RHPN2: variants seen among roughly 807,000 people sequenced by gnomAD.
RHPN2 encodes the protein rhophilin Rho GTPase binding protein 2.
In RHPN2, 40 loss-of-function variants were observed where a neutral mutation model predicts 79.0. That is an observed-to-expected ratio of 0.51 (90% CI 0.39 to 0.66). The LOEUF is 0.66. Ranked by LOEUF, RHPN2 falls within the 30% of genes least tolerant of loss-of-function variation. The pLI is 0.00. For missense variants in RHPN2, 686 were observed against 883.5 expected (o/e 0.78, Z 2.83); for synonymous variants, 285 against 363.5 (o/e 0.78, Z 2.46).
intron 14 of RHPN2, among the ~76,000 whole-genome samples, chr19:32,984,540 T>C (rs2145998267): frequency 6.6e-6 from 1 of 152,024 alleles, no homozygotes; most frequent in East Asian, 1.9e-4. Context: ...GTGCATGTAA[T>C]CCCAGCTACT....
intron 1 of RHPN2, among the ~76,000 whole-genome samples, chr19:33,060,317 C>G (rs2145275534): frequency 6.6e-6 from 1 of 152,156 alleles, no homozygotes. Context: ...GGCTAATAGG[C>G]AGGCATTTTG....
chr19:32,979,923 A>G lies in RHPN2; in HGVS notation c.*73T>C. 2 of 1,542,660 alleles carry G rather than the reference A, an allele frequency of 1.3e-6. No individual in the cohort carries two copies. Among genetic ancestry groups the G allele is most frequent in the Non-Finnish European group, 1.8e-6 (2 of 1,115,830 alleles). The stretch of plus-strand genomic sequence containing the variant: ...GAGAACAGATAGATAGATATTTTCC[A>G]TTATGGCACAAACGTTTAAGGCCGA... On this transcript the variant is annotated 3_prime_UTR_variant, in exon 15 of 15. Coordinates refer to ENST00000254260, the MANE Select transcript of RHPN2 (RefSeq NM_033103.5).
chr19:33,049,062 G>A (rs1972167103), intron 1 of RHPN2, among the ~76,000 whole-genome samples: 1 of 152,114 alleles, frequency 6.6e-6, no homozygotes, highest in Non-Finnish European at 1.5e-5. Context: ...TCTAGATAAG[G>A]CATAGGAACA....
chr19:33,036,983 G>A (rs1176181928), intron 2 of RHPN2, among the ~76,000 whole-genome samples: 1 of 152,212 alleles, frequency 6.6e-6, no homozygotes, highest in African/African-American at 2.4e-5. Flanking sequence ...GCTGACGAGT[G>A]CGGGCGCAGG....
intron 2 of RHPN2, among the ~76,000 whole-genome samples, chr19:33,027,539 T>G (rs1221937762): frequency 6.6e-6 from 1 of 151,154 alleles, no homozygotes; most frequent in Non-Finnish European, 1.5e-5. Context: ...TAAAAATATA[T>G]AAGATAGAAA....
Position 32,996,036 on chromosome 19 carries a change from G to T in RHPN2, c.1410C>A (p.Pro470=), listed in dbSNP as rs200488569. ...EDDLLNLIDA[P]SVVAKTEQEV... is the part of the protein sequence containing the mutation. ...GTCTAGGCTACTCACCAACAACACT[G>T]GGGGCGTCGATCAGGTTCAGCAGGT... is the stretch of plus-strand genomic sequence containing the variant. Residue 470 remains proline, a synonymous_variant, in exon 11 of 15, where the codon CCC becomes CCA. Transcript: ENST00000254260. 141 of 1,613,834 alleles carry T rather than the reference G, an allele frequency of 8.7e-5. No homozygotes were observed. Among genetic ancestry groups the T allele is most frequent in the Non-Finnish European group, 1.1e-4 (134 of 1,179,860 alleles).
chr19:33,059,112 A>C (rs964309577), intron 1 of RHPN2, among the ~76,000 whole-genome samples: 3 of 151,644 alleles, frequency 2.0e-5, no homozygotes, highest in African/African-American at 7.3e-5. Context: ...AATAATAATA[A>C]TACAAGATGG....
intron 10 of RHPN2, among the ~76,000 whole-genome samples, chr19:32,997,911 G>A (rs1208351662): frequency 6.6e-6 from 1 of 152,200 alleles, no homozygotes; most frequent in East Asian, 1.9e-4. Context: ...GAGGAGCTAG[G>A]GTGTGCCTGG....
At position 33,051,990 on chromosome 19, in the gene RHPN2, CAA is replaced by C. The variant is rs1231161092; in HGVS notation, c.70-7628_70-7627del. On this transcript the variant is annotated intron_variant, in intron 1 of 14. Coordinates refer to ENST00000254260, the MANE Select transcript of RHPN2 (RefSeq NM_033103.5). The stretch of plus-strand genomic sequence containing the variant: ...TGGGTGACAGAGTGAGACCCTGTCT[CAA>C]AAAAAAAAAAAAAAAAAGAATTAAA... Among the ~76,000 whole-genome samples the C allele has an allele frequency of 1.7e-3, 136 of 80,972 alleles. 1 individual carries two copies. Among genetic ancestry groups the C allele is most frequent in the East Asian group, 8.3e-3 (21 of 2,532 alleles). The allele number at this position is 80,972 out of a possible 152,430, so 53.1% of individuals were successfully genotyped here. A position where few individuals can be genotyped will look rare whatever the true frequency, so the allele number is the denominator to read the frequency against.
intron 2 of RHPN2, among the ~76,000 whole-genome samples, chr19:33,039,295 C>T (rs1192293943): frequency 6.6e-6 from 1 of 152,210 alleles, no homozygotes; most frequent in East Asian, 1.9e-4. Flanking sequence ...GATGTCAGCC[C>T]CAAAGGCTAT....
chr19:33,012,776 T>C (rs1971845705), intron 4 of RHPN2, 52 bp from the exon 5 acceptor site: 1 of 997,536 alleles, frequency 1.0e-6, no homozygotes, highest in African/African-American at 1.6e-5. Flanking sequence ...AAACCATATG[T>C]GTGCATAATA....
chr19:33,006,734 G>A (rs574502929), intron 7 of RHPN2, among the ~76,000 whole-genome samples: 2 of 152,344 alleles, frequency 1.3e-5, no homozygotes, highest in African/African-American at 4.8e-5. Context: ...CACCCACAGC[G>A]CTGGGTCTGT....
intron 7 of RHPN2, among the ~76,000 whole-genome samples, chr19:33,007,279 G>A (rs1240431795): frequency 6.6e-6 from 1 of 152,008 alleles, no homozygotes; most frequent in Non-Finnish European, 1.5e-5. Context: ...CTGAGGTCAG[G>A]AGTTCGAGAC....
At position 33,062,030 on chromosome 19, in the gene RHPN2, T is replaced by C. The variant is rs1356609128; in HGVS notation, c.69+2754A>G. 2.0e-5 allele frequency among the ~76,000 whole-genome samples: 3 copies of C among 152,234 alleles called. No individual in the cohort carries two copies. The East Asian group carries it at 5.8e-4, about 29-fold the overall frequency. ...TCAGGAAAGATTCAGCATCAACACC[T>C]TTTATTTTCCTAGGATAAATAGACT... On this transcript the variant is annotated intron_variant, in intron 1 of 14. Coordinates refer to ENST00000254260, the MANE Select transcript of RHPN2 (RefSeq NM_033103.5).
At chr19:33,049,484 G>A (rs1288651090) in intron 1 of RHPN2, among the ~76,000 whole-genome samples, 5 of 152,202 alleles carry the variant, frequency 3.3e-5, no homozygotes, top group Admixed American at 3.3e-4. Context: ...ACCAGGGACT[G>A]GGGCTAAACC....
intron 1 of RHPN2, among the ~76,000 whole-genome samples, chr19:33,055,913 T>A (rs1972228655): frequency 6.6e-6 from 1 of 151,786 alleles, no homozygotes; most frequent in Non-Finnish European, 1.5e-5. Flanking sequence ...GTAAAAACAA[T>A]GGAGCTAAAT....
intron 1 of RHPN2, among the ~76,000 whole-genome samples, chr19:33,049,846 G>C (rs1599834911): frequency 6.6e-6 from 1 of 152,262 alleles, no homozygotes; most frequent in East Asian, 1.9e-4. Context: ...TGGGATTTAA[G>C]ACCCTGTCCT....
chr19:33,032,610 G>A (rs1219713834), intron 2 of RHPN2, among the ~76,000 whole-genome samples: 1 of 152,150 alleles, frequency 6.6e-6, no homozygotes, highest in East Asian at 1.9e-4. Context: ...TTATGCCACA[G>A]CAAAGCACTG....
In RHPN2 at chr19:33,064,775, G is replaced by T. The variant is rs1335272901; in HGVS notation, c.69+9C>A. 20 of 624,354 alleles carry T rather than the reference G, an allele frequency of 3.2e-5. No homozygotes were observed. The highest frequency in any genetic ancestry group is 4.4e-5 in the Non-Finnish European group (18 of 411,344). The allele number at this position is 624,354 out of a possible 1,614,324, so 38.7% of individuals were successfully genotyped here. A position where few individuals can be genotyped will look rare whatever the true frequency, so the allele number is the denominator to read the frequency against. ...GCAGGTCCCCGCCCGCCCGCCCGAAGCCGCCCACCTTCCGAAAGTAGCCGT... is the reference window on the plus strand; with the variant it reads ...GCAGGTCCCCGCCCGCCCGCCCGAATCCGCCCACCTTCCGAAAGTAGCCGT... On this transcript the variant is annotated intron_variant, in intron 1 of 14. Coordinates refer to ENST00000254260, the MANE Select transcript of RHPN2 (RefSeq NM_033103.5).
Sources: gnomAD v4.1 joint callset for allele counts (sites outside exome capture counted in the v4.1 genomes callset) on GRCh38, gnomAD v4.1.1 for gene constraint, MANE v1.5 for transcripts, NCBI Gene and HGNC (gene_info 2026-07-23, HGNC 2026-07-21) for gene names.